The following IDE variants were observed in gnomAD, a reference collection of about 807,000 sequenced individuals.
IDE encodes the protein insulin-degrading enzyme.
IDE carries 58 observed loss-of-function variants against 133.2 expected under a neutral mutation model. That is an observed-to-expected ratio of 0.44 (90% CI 0.35 to 0.54). The LOEUF (loss-of-function observed/expected upper bound fraction) is 0.54, where lower values mean the gene tolerates loss of function less well. IDE is among the 20% of genes least tolerant of loss of function. The pLI, the probability that IDE is intolerant of heterozygous loss-of-function variation, is 0.00. For synonymous variants in IDE, 396 were observed against 421.3 expected (o/e 0.94, Z 0.73); for missense variants, 981 against 1,234.0 (o/e 0.79, Z 3.07).
chr10:92,551,566 C>CAAAAAAAAAAAAAAAAAAAAAAAAAA (rs1232265058), intron 1 of IDE, among the ~76,000 whole-genome samples: 1 of 66,628 alleles, frequency 1.5e-5, no homozygotes, highest in African/African-American at 5.0e-5. Flanking sequence ...GACTCCATCT[C>CAAAAAAAAAAAAAAAAAAAAAAAAAA]AAAAAAAAAA....
chr10:92,558,770 T>C (rs1843132619), intron 1 of IDE: 2 of 152,048 alleles, frequency 1.3e-5, no homozygotes, highest in African/African-American at 2.4e-5. Flanking sequence ...AATTTTTGTA[T>C]TATTAGTAGA....
At chr10:92,490,797 A>C (rs1209529324) in intron 11 of IDE, among the ~76,000 whole-genome samples, 1 of 152,178 alleles carries the variant, frequency 6.6e-6, no homozygotes, top group Admixed American at 6.5e-5. Context: ...TCCTTTAGTT[A>C]CAGTCCATTA....
chr10:92,569,749 T>C (rs1171721918), intron 1 of IDE, among the ~76,000 whole-genome samples: 1 of 152,214 alleles, frequency 6.6e-6, no homozygotes, highest in Non-Finnish European at 1.5e-5. Context: ...AAATATGTAC[T>C]GAGTACCTAC....
At chr10:92,497,814 T>G (rs368419001) in intron 11 of IDE, 2 of 396,092 alleles carry the variant, frequency 5.0e-6, no homozygotes, top group East Asian at 3.2e-4. Context: ...TCTCTTTAAA[T>G]GTGAGAGTAA....
chr10:92,568,606 A>T (rs1843655362), intron 1 of IDE, among the ~76,000 whole-genome samples: 1 of 152,096 alleles, frequency 6.6e-6, no homozygotes, highest in Non-Finnish European at 1.5e-5. Context: ...ACCTGAGGTC[A>T]GGGGTTTAAG....
chr10:92,507,696 T>C (rs1308641485), intron 8 of IDE, 30 bp from the exon 9 acceptor site: 1 of 1,187,228 alleles, frequency 8.4e-7, no homozygotes, highest in Non-Finnish European at 1.3e-6. Context: ...TTAAAAACCA[T>C]TCAGTCCTTG....
At chr10:92,476,095 C>G in intron 15 of IDE, 101 bp from the exon 16 acceptor site, 1 of 634,810 alleles carries the variant, frequency 1.6e-6, no homozygotes, top group Admixed American at 3.2e-5. Flanking sequence ...CCAAAACAGA[C>G]ATGTAAAAAA....
At chr10:92,488,812 G>A (rs1311525770) in intron 12 of IDE, among the ~76,000 whole-genome samples, 2 of 151,290 alleles carry the variant, frequency 1.3e-5, no homozygotes, top group Non-Finnish European at 2.9e-5. Flanking sequence ...TGAGATTTAG[G>A]TTGGGATTCA....
At chr10:92,551,582 A>AAG (rs1188000560) in intron 1 of IDE, among the ~76,000 whole-genome samples, 1 of 151,664 alleles carries the variant, frequency 6.6e-6, no homozygotes, top group Non-Finnish European at 1.5e-5. Context: ...AAAAAAAAAA[A>AAG]AAAGAAAAGA....
chr10:92,565,245 GAAAAAA>G (rs1157438934), intron 1 of IDE, among the ~76,000 whole-genome samples: 2 of 93,154 alleles, frequency 2.1e-5, no homozygotes, highest in Non-Finnish European at 2.2e-5. Context: ...CTCTGTCTCA[GAAAAAA>G]AAAAAAAAAA....
At chr10:92,535,878 A>G (rs544372668) in intron 2 of IDE, among the ~76,000 whole-genome samples, 1 of 152,138 alleles carries the variant, frequency 6.6e-6, no homozygotes, top group Non-Finnish European at 1.5e-5. Flanking sequence ...TCTAATAAAA[A>G]TACAAAAATT....
At chr10:92,571,456 C>CA (rs1304901858) in intron 1 of IDE, among the ~76,000 whole-genome samples, 1 of 152,180 alleles carries the variant, frequency 6.6e-6, no homozygotes, top group East Asian at 1.9e-4. Context: ...TCCCAACTGA[C>CA]ATACCACTGT....
intron 11 of IDE, among the ~76,000 whole-genome samples, chr10:92,492,646 C>A (rs76134705): frequency 0.015 from 2,286 of 152,292 alleles, 38 homozygotes; most frequent in South Asian, 0.057. Context: ...AATATCTGTT[C>A]CTGCTTGTTC....
intron 11 of IDE, among the ~76,000 whole-genome samples, chr10:92,496,244 T>G (rs1049726929): frequency 1.3e-5 from 2 of 152,228 alleles, no homozygotes; most frequent in African/African-American, 2.4e-5. Context: ...TTCAGTCAAC[T>G]TTTACTGAGT....
Position 92,510,459 on chromosome 10 carries a change from A to G in IDE, c.785-297T>C, listed in dbSNP as rs187671860. ...CATATATACTGAACTACTAGCAGAT[A>G]GAGTATAATGTTCACCTTATACATA... On this transcript the variant is annotated intron_variant, in intron 5 of 24. Transcript: ENST00000265986. Among the ~76,000 whole-genome samples, 756 of 152,304 alleles carry G rather than the reference A, an allele frequency of 5.0e-3. 8 individuals are homozygous for G. Among genetic ancestry groups the G allele is most frequent in the African/African-American group, 0.017 (714 of 41,580 alleles).
rs1229733548 is a variant in IDE, at chr10:92,508,208, G to A, written c.1061-3C>T. On this transcript the variant is annotated splice_region_variant and splice_polypyrimidine_tract_variant and intron_variant, in intron 7 of 24. Transcript: ENST00000265986. ...ACCAACAAGAGTATTAACCCAGCCTGCAACATTCAAAGGAAATCAATACGA... is the reference window on the plus strand; with the variant it reads ...ACCAACAAGAGTATTAACCCAGCCTACAACATTCAAAGGAAATCAATACGA... 6.2e-7 allele frequency: 1 copy of A among 1,609,204 alleles called. No homozygotes were observed. The highest frequency in any genetic ancestry group is 8.5e-7 in the Non-Finnish European group (1 of 1,177,672).
intron 1 of IDE, among the ~76,000 whole-genome samples, chr10:92,556,046 G>T (rs984793494): frequency 2.0e-5 from 3 of 151,526 alleles, no homozygotes; most frequent in Non-Finnish European, 4.4e-5. Context: ...GGTGGCGGGC[G>T]CCTGTAGTCC....
At chr10:92,478,395 T>C (rs1480146457) in intron 15 of IDE, among the ~76,000 whole-genome samples, 2 of 152,192 alleles carry the variant, frequency 1.3e-5, no homozygotes, top group African/African-American at 4.8e-5. Context: ...AGGATTAATA[T>C]GTTAAACATC....
intron 1 of IDE, among the ~76,000 whole-genome samples, chr10:92,571,904 T>C (rs1843805133): frequency 6.6e-6 from 1 of 152,210 alleles, no homozygotes; most frequent in Non-Finnish European, 1.5e-5. Context: ...TTCCTTAAGA[T>C]GAGAATATGT....
Sources: gnomAD v4.1 joint callset for allele counts (sites outside exome capture counted in the v4.1 genomes callset) on GRCh38, gnomAD v4.1.1 for gene constraint, MANE v1.5 for transcripts, NCBI Gene and HGNC (gene_info 2026-07-23, HGNC 2026-07-21) for gene names.